Variants in CSMD1 observed in about 807,000 individuals in gnomAD.
CSMD1 encodes the protein CUB and Sushi multiple domains 1, also known as CUB and sushi domain-containing protein 1.
A neutral mutation model predicts 417.5 loss-of-function variants in CSMD1; 213 were observed. That is an observed-to-expected ratio of 0.51 (90% confidence interval 0.46 to 0.57). The LOEUF (loss-of-function observed/expected upper bound fraction) is 0.57, where lower values mean the gene tolerates loss of function less well. Among genes scored for constraint, CSMD1 ranks in the 20% least tolerant of loss-of-function variants. The probability of loss-of-function intolerance (pLI) is 0.00; values close to 1 mark genes in which losing one functional copy is unlikely to be tolerated. For missense variants in CSMD1, 6,923 were observed against 4,529.7 expected (o/e 1.53, Z -15.17); for synonymous variants, 2,862 against 1,736.8 (o/e 1.65, Z -16.11).
At chr8:4,366,148 C>A (rs938871598) in intron 3 of CSMD1, among the ~76,000 whole-genome samples, 2 of 152,148 alleles carry the variant, frequency 1.3e-5, no homozygotes, top group African/African-American at 4.8e-5. Context: ...TTCAGTGTTT[C>A]ACTCCCGTTT....
intron 1 of CSMD1, among the ~76,000 whole-genome samples, chr8:4,984,370 G>C (rs1563931802): frequency 6.6e-6 from 1 of 152,198 alleles, no homozygotes; most frequent in Non-Finnish European, 1.5e-5. Context: ...TCAGGGACTA[G>C]TCCCATGACA....
At chr8:4,663,996 C>T (rs887356267) in intron 1 of CSMD1, among the ~76,000 whole-genome samples, 3 of 152,092 alleles carry the variant, frequency 2.0e-5, no homozygotes, top group African/African-American at 4.8e-5. Context: ...GTTTCTGGTT[C>T]GGGCAAGAGA....
At chr8:3,290,511 T>A (rs1306430439) in intron 25 of CSMD1, among the ~76,000 whole-genome samples, 2 of 144,600 alleles carry the variant, frequency 1.4e-5, no homozygotes, top group Non-Finnish European at 3.0e-5. Flanking sequence ...TGAGCAGTGG[T>A]TTGTAGTTCT....
chr8:3,781,644 C>A (rs1799189361), intron 5 of CSMD1, among the ~76,000 whole-genome samples: 1 of 152,186 alleles, frequency 6.6e-6, no homozygotes, highest in Non-Finnish European at 1.5e-5. Flanking sequence ...TGATGATTGT[C>A]CCTGTGATGT....
intron 46 of CSMD1, 111 bp from the exon 47 acceptor site, chr8:3,097,148 T>C (rs1200308258): frequency 1.4e-5 from 12 of 874,286 alleles, no homozygotes; most frequent in Middle Eastern, 3.3e-4. Context: ...AGCAATCTTA[T>C]TGAGCTCTGG....
chr8:3,785,081 T>G (rs1799379887), intron 5 of CSMD1, among the ~76,000 whole-genome samples: 1 of 152,162 alleles, frequency 6.6e-6, no homozygotes, highest in Non-Finnish European at 1.5e-5. Flanking sequence ...ATAGTGGACT[T>G]TGGGTCAAGA....
At chr8:3,308,756 T>G (rs1479879981) in intron 23 of CSMD1, among the ~76,000 whole-genome samples, 1 of 130,674 alleles carries the variant, frequency 7.7e-6, no homozygotes, top group Non-Finnish European at 1.7e-5. Flanking sequence ...TTTTTTTTGC[T>G]TTTGTTGCCC....
At chr8:3,472,914 T>G (rs1817187284) in intron 11 of CSMD1, among the ~76,000 whole-genome samples, 2 of 152,078 alleles carry the variant, frequency 1.3e-5, no homozygotes, top group African/African-American at 2.4e-5. Context: ...TCGTACTTCT[T>G]TGATGTTTTT....
At chr8:3,762,412 C>G (rs1798056749) in intron 5 of CSMD1, among the ~76,000 whole-genome samples, 1 of 152,188 alleles carries the variant, frequency 6.6e-6, no homozygotes, top group Non-Finnish European at 1.5e-5. Context: ...TATGCCCTCT[C>G]CTGACACGCC....
At chr8:4,794,871 A>T (rs916145707) in intron 1 of CSMD1, among the ~76,000 whole-genome samples, 1 of 152,186 alleles carries the variant, frequency 6.6e-6, no homozygotes, top group African/African-American at 2.4e-5. Flanking sequence ...TCAGGTGATG[A>T]TGACTGCAGA....
At chr8:3,618,287 G>T (rs35053270) in intron 7 of CSMD1, among the ~76,000 whole-genome samples, 1 of 151,928 alleles carries the variant, frequency 6.6e-6, no homozygotes, top group African/African-American at 2.4e-5. Context: ...TTACAGACAT[G>T]TGCAACCACA....
chr8:3,875,103 G>T (rs1022357025), intron 5 of CSMD1, among the ~76,000 whole-genome samples: 1 of 148,294 alleles, frequency 6.7e-6, no homozygotes, highest in Non-Finnish European at 1.5e-5. Context: ...AGATCCTAGA[G>T]GGGCTTCAGG....
intron 5 of CSMD1, among the ~76,000 whole-genome samples, chr8:3,915,608 T>G (rs1050231144): frequency 1.3e-5 from 2 of 151,256 alleles, no homozygotes; most frequent in Admixed American, 6.6e-5. Flanking sequence ...ACTGAAATAC[T>G]TGAAAAGCTT....
chr8:3,197,975 G>C (rs1206284516), intron 33 of CSMD1, among the ~76,000 whole-genome samples: 2 of 152,070 alleles, frequency 1.3e-5, no homozygotes, highest in Non-Finnish European at 2.9e-5. Flanking sequence ...AAGAGAAGGA[G>C]GTATATTAGA....
chr8:3,648,984 T>C (rs998813950), intron 7 of CSMD1, among the ~76,000 whole-genome samples: 4 of 152,168 alleles, frequency 2.6e-5, no homozygotes, highest in Non-Finnish European at 5.9e-5. Flanking sequence ...GTGTTTGAGA[T>C]TCTCTTTGCG....
intron 3 of CSMD1, among the ~76,000 whole-genome samples, chr8:4,178,286 C>A (rs1425093225): frequency 6.6e-6 from 1 of 151,802 alleles, no homozygotes; most frequent in Non-Finnish European, 1.5e-5. Flanking sequence ...ATACGCAAAT[C>A]AATAAATGTA....
intron 1 of CSMD1, among the ~76,000 whole-genome samples, chr8:4,941,786 A>G (rs144825801): frequency 3.3e-5 from 5 of 152,128 alleles, no homozygotes; most frequent in South Asian, 2.1e-4. Flanking sequence ...TTTTGTAGGG[A>G]CAGGGTCTCC....
At chr8:3,586,663 GT>G (rs780455718) in intron 8 of CSMD1, among the ~76,000 whole-genome samples, 1 of 152,086 alleles carries the variant, frequency 6.6e-6, no homozygotes. Flanking sequence ...AAAACAAGAA[GT>G]AAAAAAGTCT....
intron 3 of CSMD1, among the ~76,000 whole-genome samples, chr8:4,202,483 C>G (rs552851108): frequency 1.3e-5 from 2 of 152,310 alleles, no homozygotes; most frequent in South Asian, 2.1e-4. Flanking sequence ...AAGTTTTAAA[C>G]TAGGTCTTCA....
Sources: gnomAD v4.1 joint callset for allele counts (sites outside exome capture counted in the v4.1 genomes callset) on GRCh38, gnomAD v4.1.1 for gene constraint, MANE v1.5 for transcripts, NCBI Gene and HGNC (gene_info 2026-07-23, HGNC 2026-07-21) for gene names.